The following GABPB1 variants were observed in gnomAD, a reference collection of about 807,000 sequenced individuals.
GABPB1 encodes GA binding protein transcription factor subunit beta 1, also known as GA-binding protein subunit beta-1.
In GABPB1, 15 loss-of-function variants were observed where a neutral mutation model predicts 45.9. The observed-to-expected ratio is 0.33, with a 90% CI of 0.22 to 0.50. The LOEUF is 0.50. Ranked by LOEUF, GABPB1 falls within the 20% of genes least tolerant of loss-of-function variation. The probability of loss-of-function intolerance (pLI) is 0.98; values close to 1 mark genes in which losing one functional copy is unlikely to be tolerated. For missense variants in GABPB1, 252 were observed against 457.5 expected (o/e 0.55, Z 4.10); for synonymous variants, 143 against 154.4 (o/e 0.93, Z 0.55).
rs1205157381 is a variant in GABPB1 at position 50,346,593 on chromosome 15, T to TG, written c.-1+8391_-1+8392insC. ...AGCTTACAAACAACAGAAAGTTTTTTTTTTTTTTTTTTTGTAGAGATGGGA... is the reference window on the plus strand; with the variant it reads ...AGCTTACAAACAACAGAAAGTTTTTTGTTTTTTTTTTTTTGTAGAGATGGGA... On this transcript the variant is annotated intron_variant, in intron 1 of 8. Transcript: ENST00000380877. Among the ~76,000 whole-genome samples, 319 of 148,106 alleles carry TG rather than the reference T, an allele frequency of 2.2e-3. 2 individuals are homozygous for TG. The highest frequency in any genetic ancestry group is 7.7e-3 in the African/African-American group (307 of 39,842).
At chr15:50,340,652 T>G (rs924306599) in intron 1 of GABPB1, among the ~76,000 whole-genome samples, 2 of 151,972 alleles carry the variant, frequency 1.3e-5, no homozygotes, top group Non-Finnish European at 2.9e-5. Context: ...CAGAAAGAAC[T>G]TCCTCATTTT....
chr15:50,307,203 C>G (rs906172307), intron 2 of GABPB1, among the ~76,000 whole-genome samples: 2 of 152,146 alleles, frequency 1.3e-5, no homozygotes, highest in African/African-American at 4.8e-5. Context: ...AGAGTTCCCA[C>G]CATCTCCTCA....
chr15:50,278,482 A>G lies in GABPB1; in HGVS notation c.*150T>C. 2.1e-6 allele frequency: 1 copy of G among 474,978 alleles called. No homozygotes were observed. The highest frequency in any genetic ancestry group is 3.6e-6 in the Non-Finnish European group (1 of 279,508). 29.4% of individuals were successfully genotyped at this position (474,978 alleles called of 1,614,324 possible). The stretch of plus-strand genomic sequence containing the variant: ...CTTCTAAAGTAAAGTTTTATGTTAC[A>G]AGAACTCAGAGCTCATGGCTTAAGT... On this transcript the variant is annotated 3_prime_UTR_variant, in exon 9 of 9. Transcript: ENST00000380877.
chr15:50,302,878 CT>C, intron 4 of GABPB1, 50 bp downstream of exon 4: 1 of 1,234,120 alleles, frequency 8.1e-7, no homozygotes, highest in Non-Finnish European at 1.2e-6. Flanking sequence ...GATCCCTCTA[CT>C]GATAAGGCTT....
At chr15:50,345,720 G>GT (rs903956030) in intron 1 of GABPB1, among the ~76,000 whole-genome samples, 35 of 142,660 alleles carry the variant, frequency 2.5e-4, no homozygotes, top group African/African-American at 4.4e-4. Flanking sequence ...ATTTTTTTTT[G>GT]TTTTTTTTTT....
chr15:50,279,259 T>G (rs12441687), intron 8 of GABPB1, among the ~76,000 whole-genome samples: 11,498 of 152,150 alleles, frequency 0.076, 761 homozygotes, highest in East Asian at 0.2. Context: ...ATGCACAAGT[T>G]AAAGATGAGA....
At chr15:50,343,971 A>G (rs1307754004) in intron 1 of GABPB1, among the ~76,000 whole-genome samples, 1 of 152,118 alleles carries the variant, frequency 6.6e-6, no homozygotes, top group Non-Finnish European at 1.5e-5. Context: ...ACTCATTACC[A>G]CCTAACATCA....
intron 6 of GABPB1, 50 bp downstream of exon 6, chr15:50,300,739 C>A: frequency 1.7e-6 from 2 of 1,183,732 alleles, no homozygotes; most frequent in Non-Finnish European, 2.5e-6. Flanking sequence ...GCCACGGCAC[C>A]CAGCCTGAAT....
rs532327288 is a variant in GABPB1 at position 50,326,355 on chromosome 15, A to C, written c.1-16557T>G. On this transcript the variant is annotated intron_variant, in intron 1 of 8. Transcript: ENST00000380877. Reference sequence around the variant, plus strand: ...ATGGTGAAACCCTAATCTCTCCAAAAATTTTTAAAAATTAGCCAAGAGCCA... The same window carrying C: ...ATGGTGAAACCCTAATCTCTCCAAACATTTTTAAAAATTAGCCAAGAGCCA... Among the ~76,000 whole-genome samples, 16 of 149,678 alleles carry C rather than the reference A, an allele frequency of 1.1e-4. No homozygotes were observed. The East Asian group carries it at 3.2e-3, about 30-fold the overall frequency.
chr15:50,295,439 A>G (rs1045522155), intron 6 of GABPB1, among the ~76,000 whole-genome samples: 2 of 152,106 alleles, frequency 1.3e-5, no homozygotes, highest in African/African-American at 4.8e-5. Flanking sequence ...ACTTTTCCCT[A>G]CTAACGCCTA....
At chr15:50,312,446 C>T (rs911761079) in intron 1 of GABPB1, among the ~76,000 whole-genome samples, 2 of 152,072 alleles carry the variant, frequency 1.3e-5, no homozygotes, top group African/African-American at 4.8e-5. Flanking sequence ...CTTAAAGACG[C>T]TAAGATCTAT....
rs1187916434 is a variant in GABPB1 at position 50,295,373 on chromosome 15, C to T, written c.697+5416G>A. Among the ~76,000 whole-genome samples, 7 of 152,158 alleles carry T rather than the reference C, an allele frequency of 4.6e-5. No individual in the cohort carries two copies. In the East Asian group the frequency reaches 1.3e-3, roughly 29 times the overall value. Reference sequence around the variant, plus strand: ...CCTCTGGGTCCCCTAAAAAGTCAAGCTCTTTCCTGCCTCAAAAGCTTCACA... The same window carrying T: ...CCTCTGGGTCCCCTAAAAAGTCAAGTTCTTTCCTGCCTCAAAAGCTTCACA... On this transcript the variant is annotated intron_variant, in intron 6 of 8. Transcript: ENST00000380877.
At chr15:50,354,299 C>CA (rs754931968) in intron 1 of GABPB1, 3 of 442,972 alleles carry the variant, frequency 6.8e-6, no homozygotes, top group East Asian at 7.6e-5. Context: ...GAACGGCAGG[C>CA]TTCTCCCCCT....
intron 1 of GABPB1, among the ~76,000 whole-genome samples, chr15:50,310,236 G>A (rs1433200336): frequency 6.6e-6 from 1 of 152,136 alleles, no homozygotes; most frequent in African/African-American, 2.4e-5. Context: ...TGGACTACAG[G>A]CATGCACCAC....
At chr15:50,306,053 T>C (rs1008512940) in intron 2 of GABPB1, among the ~76,000 whole-genome samples, 1 of 151,918 alleles carries the variant, frequency 6.6e-6, no homozygotes, top group East Asian at 1.9e-4. Context: ...TAGCTCACTG[T>C]AACCTCTAAC....
intron 1 of GABPB1, among the ~76,000 whole-genome samples, chr15:50,337,075 G>GTA (rs869106382): frequency 0.011 from 152 of 14,100 alleles, 2 homozygotes; most frequent in Non-Finnish European, 0.016. Context: ...ATATGTGTGT[G>GTA]TATATATATA....
chr15:50,281,429 T>C (rs989945137), intron 8 of GABPB1, among the ~76,000 whole-genome samples: 3 of 152,136 alleles, frequency 2.0e-5, no homozygotes, highest in Admixed American at 6.5e-5. Context: ...GCCAGGATGG[T>C]CTCAATCTCC....
intron 1 of GABPB1, among the ~76,000 whole-genome samples, chr15:50,347,700 T>G (rs747868949): frequency 1.3e-5 from 2 of 152,156 alleles, no homozygotes; most frequent in Non-Finnish European, 2.9e-5. Flanking sequence ...AGTCTCTACA[T>G]GCACAGAATG....
At chr15:50,309,443 C>T (rs564602496) in intron 2 of GABPB1, among the ~76,000 whole-genome samples, 2 of 152,242 alleles carry the variant, frequency 1.3e-5, no homozygotes, top group East Asian at 1.9e-4. Flanking sequence ...ATTCATGCCA[C>T]ATTAATGCAC....
Sources: allele counts gnomAD v4.1 joint callset (sites outside exome capture counted in the v4.1 genomes callset), GRCh38; gene constraint gnomAD v4.1.1; transcripts MANE v1.5; gene names NCBI Gene and HGNC (gene_info 2026-07-23, HGNC 2026-07-21).